TINAG: variants seen among roughly 807,000 people sequenced by gnomAD.
TINAG encodes tubulointerstitial nephritis antigen.
TINAG carries 83 observed loss-of-function variants against 72.7 expected under a neutral mutation model. The ratio of observed to expected loss-of-function variants is 1.14; its 90% confidence interval spans 0.96 to 1.37. The LOEUF is 1.37. Among genes scored for constraint, TINAG ranks in the 40% most tolerant of loss-of-function variants. TINAG has a pLI of 0.00. For missense variants in TINAG, 685 were observed against 576.6 expected (o/e 1.19, Z -1.93); for synonymous variants, 234 against 189.9 (o/e 1.23, Z -1.91).
intron 4 of TINAG, 65 bp from the exon 5 acceptor site, chr6:54,343,161 G>C (rs562450183): frequency 3.0e-6 from 4 of 1,347,260 alleles, no homozygotes; most frequent in Non-Finnish European, 3.9e-6. Context: ...ATAAAAGGGC[G>C]TGACATTTTC....
Position 54,378,988 on chromosome 6 carries a change from G to C in TINAG, c.1251-1538G>C, listed in dbSNP as rs1479900910. Among the ~76,000 whole-genome samples the C allele has an allele frequency of 6.6e-5, 10 of 152,208 alleles. No homozygotes were observed. The South Asian group carries it at 1.7e-3, about 25-fold the overall frequency. On this transcript the variant is annotated intron_variant, in intron 9 of 10. Transcript: ENST00000259782. ...CATCTTTAGGCAATACCTCCGTGCT[G>C]TGGTGCCATCATTCTATTCTGTGCC...
intron 9 of TINAG, among the ~76,000 whole-genome samples, chr6:54,360,849 T>TG (rs1160831161): frequency 9.8e-6 from 1 of 102,490 alleles, no homozygotes; most frequent in Non-Finnish European, 2.0e-5. Flanking sequence ...GTGTTTTTTT[T>TG]TTTTTTTTTT....
intron 9 of TINAG, among the ~76,000 whole-genome samples, chr6:54,355,029 C>A (rs530124780): frequency 6.6e-6 from 1 of 151,876 alleles, no homozygotes; most frequent in Non-Finnish European, 1.5e-5. Context: ...GAGAAGGTCA[C>A]CTATAATTCA....
chr6:54,331,079 A>C (rs1784728585), intron 4 of TINAG, among the ~76,000 whole-genome samples: 1 of 152,208 alleles, frequency 6.6e-6, no homozygotes, highest in African/African-American at 2.4e-5. Flanking sequence ...ACAATAGAAA[A>C]AGAGTGACTC....
At chr6:54,341,701 C>G (rs1222083472) in intron 4 of TINAG, among the ~76,000 whole-genome samples, 2 of 151,952 alleles carry the variant, frequency 1.3e-5, no homozygotes, top group East Asian at 3.9e-4. Context: ...AGATACCAAC[C>G]AGATCAGTAA....
intron 9 of TINAG, among the ~76,000 whole-genome samples, chr6:54,360,238 C>CG (rs1417049131): frequency 3.3e-5 from 5 of 151,562 alleles, no homozygotes; most frequent in Non-Finnish European, 7.4e-5. Context: ...TTATTTCCCC[C>CG]CTCTCTCTTC....
chr6:54,347,492 G>T lies in TINAG; in HGVS notation c.874G>T (p.Ala292Ser), dbSNP rs1785153526. The T allele has an allele frequency of 4.3e-6, 7 of 1,612,894 alleles. No homozygotes were observed. Among genetic ancestry groups the T allele is most frequent in the Non-Finnish European group, 5.9e-6 (7 of 1,179,344 alleles). ...HGCNSGSIDR[A>S]WWYLRKRGLV... The stretch of plus-strand genomic sequence containing the variant: ...ATGCAATAGTGGAAGCATCGATAGG[G>T]CTTGGTGGTACCTGAGAAAACGTGG... The change falls in exon 6 of 11, where the codon GCT (alanine) becomes TCT (serine). Residue 292 changes from alanine to serine, a missense_variant. Coordinates refer to ENST00000259782, the MANE Select transcript of TINAG (RefSeq NM_014464.4).
intron 1 of TINAG, among the ~76,000 whole-genome samples, chr6:54,311,028 T>G (rs1478560021): frequency 1.3e-5 from 2 of 151,840 alleles, no homozygotes; most frequent in African/African-American, 4.8e-5. Flanking sequence ...CTTTCATTTT[T>G]ATGAGCCATT....
chr6:54,333,326 A>T (rs1221888376), intron 4 of TINAG, among the ~76,000 whole-genome samples: 1 of 152,200 alleles, frequency 6.6e-6, no homozygotes, highest in Admixed American at 6.5e-5. Flanking sequence ...AGGGACATGG[A>T]TGAAGCTGGA....
intron 9 of TINAG, among the ~76,000 whole-genome samples, chr6:54,371,010 G>A (rs1233712590): frequency 1.3e-5 from 2 of 151,970 alleles, no homozygotes; most frequent in East Asian, 3.9e-4. Context: ...AGAAGGAAAA[G>A]CTTTCTTTTT....
At chr6:54,366,663 A>G (rs1433734960) in intron 9 of TINAG, among the ~76,000 whole-genome samples, 1 of 149,778 alleles carries the variant, frequency 6.7e-6, no homozygotes, top group Non-Finnish European at 1.5e-5. Context: ...GTGTAGATGG[A>G]GATAGGATAG....
In TINAG at chr6:54,354,592, A is replaced by G. The variant is rs902915527; in HGVS notation, c.1206A>G (p.Ser402=). 1.2e-6 allele frequency: 2 copies of G among 1,611,148 alleles called. No individual in the cohort carries two copies. The highest frequency in any genetic ancestry group is 1.7e-4 in the Middle Eastern group (1 of 6,034). The part of the protein sequence containing the change: ...YRHVTSTNKE[S]EKYRKLQTHA... ...ATGTTACCAGCACAAATAAAGAATC[A>G]GAAAAATATCGAAAGCTTCAGACAC... Residue 402 remains serine, a synonymous_variant, in exon 9 of 11, where the codon TCA becomes TCG. Transcript: ENST00000259782.
chr6:54,359,778 A>G (rs1763165147), intron 9 of TINAG, among the ~76,000 whole-genome samples: 1 of 151,950 alleles, frequency 6.6e-6, no homozygotes, highest in East Asian at 1.9e-4. Flanking sequence ...GGTGCCCTGG[A>G]GCAGTTAGAT....
intron 4 of TINAG, among the ~76,000 whole-genome samples, chr6:54,333,607 G>T (rs1784794380): frequency 6.6e-6 from 1 of 151,292 alleles, no homozygotes; most frequent in East Asian, 1.9e-4. Flanking sequence ...CCCAGAACTT[G>T]AAGTATAATA....
intron 3 of TINAG, among the ~76,000 whole-genome samples, chr6:54,323,160 T>C (rs1464601029): frequency 6.6e-6 from 1 of 152,206 alleles, no homozygotes; most frequent in Non-Finnish European, 1.5e-5. Context: ...TTAAGAGGCA[T>C]GGGCTTTGCA....
At chr6:54,354,678 T>C in intron 9 of TINAG, 42 bp downstream of exon 9, 1 of 1,585,702 alleles carries the variant, frequency 6.3e-7, no homozygotes, top group Non-Finnish European at 8.6e-7. Context: ...TTTTGGAAAA[T>C]GAAACTGAAA....
intron 8 of TINAG, among the ~76,000 whole-genome samples, chr6:54,353,832 A>G (rs1249813774): frequency 6.6e-6 from 1 of 151,848 alleles, no homozygotes; most frequent in Admixed American, 6.6e-5. Flanking sequence ...TCAAATTCAT[A>G]TCTTCTATAA....
intron 9 of TINAG, among the ~76,000 whole-genome samples, chr6:54,373,766 T>C (rs1562181973): frequency 6.6e-6 from 1 of 152,080 alleles, no homozygotes; most frequent in Admixed American, 6.6e-5. Context: ...CCAACCCTTA[T>C]AGTATGCTAT....
Position 54,347,481 on chromosome 6 carries a change from G to A in TINAG, c.863G>A (p.Ser288Asn), listed in dbSNP as rs769407473. The change falls in exon 6 of 11, where the codon AGC (serine) becomes AAC (asparagine). Residue 288 changes from serine (S) to asparagine (N), a missense_variant. Physicochemically the swap from Ser to Asn is conservative, Grantham distance 46 (BLOSUM62 1). Transcript: ENST00000259782. ...AACCGTCATGGATGCAATAGTGGAA[G>A]CATCGATAGGGCTTGGTGGTACCTG... Reference protein sequence around the residue: ...AKNRHGCNSGSIDRAWWYLRK... With the variant: ...AKNRHGCNSGNIDRAWWYLRK... 12 of 1,612,968 alleles carry A rather than the reference G, an allele frequency of 7.4e-6. No homozygotes were observed. Among genetic ancestry groups the A allele is most frequent in the Non-Finnish European group, 8.5e-6 (10 of 1,179,446 alleles).
Sources: gnomAD v4.1 joint callset for allele counts (sites outside exome capture counted in the v4.1 genomes callset) on GRCh38, gnomAD v4.1.1 for gene constraint, MANE v1.5 for transcripts, NCBI Gene and HGNC (gene_info 2026-07-23, HGNC 2026-07-21) for gene names.